The following RAPGEF4 variants were observed in gnomAD, a reference collection of about 807,000 sequenced individuals.
RAPGEF4 encodes the protein RAP guanine-nucleotide-exchange factor (GEF) 4.
In RAPGEF4, 66 loss-of-function variants were observed where a neutral mutation model predicts 147.9. The observed-to-expected ratio is 0.45, with a 90% CI of 0.37 to 0.55. The LOEUF (loss-of-function observed/expected upper bound fraction) is 0.55. RAPGEF4 is among the 20% of genes least tolerant of loss of function. The pLI, the probability that RAPGEF4 is intolerant of heterozygous loss-of-function variation, is 0.00. For synonymous variants in RAPGEF4, 419 were observed against 442.7 expected, an observed-to-expected ratio of 0.95 and a Z score of 0.67; for missense variants, 1,071 against 1,257.3, an observed-to-expected ratio of 0.85 and a Z score of 2.24.
intron 1 of RAPGEF4, among the ~76,000 whole-genome samples, chr2:172,780,586 TG>T (rs1161439978): frequency 1.3e-5 from 2 of 152,226 alleles, no homozygotes; most frequent in African/African-American, 2.4e-5. Flanking sequence ...AGCTTTTTTT[TG>T]GTTCCGCTTC....
chr2:173,018,579 C>G (rs555523043), intron 21 of RAPGEF4, 77 bp from the exon 22 acceptor site: 1 of 1,477,412 alleles, frequency 6.8e-7, no homozygotes, highest in South Asian at 1.3e-5. Context: ...GAGAGGATGC[C>G]TAAACATTTT....
intron 29 of RAPGEF4, 80 bp from the exon 30 acceptor site, chr2:173,048,519 AG>A: frequency 6.3e-7 from 1 of 1,587,958 alleles, no homozygotes; most frequent in Non-Finnish European, 8.6e-7. Flanking sequence ...CAAGTATTGC[AG>A]AAATGGTTTG....
At chr2:173,038,417 G>A (rs764891112) in intron 29 of RAPGEF4, among the ~76,000 whole-genome samples, 1 of 152,216 alleles carries the variant, frequency 6.6e-6, no homozygotes, top group African/African-American at 2.4e-5. Context: ...AGATGTAGAA[G>A]TCAGGGTTTC....
intron 18 of RAPGEF4, among the ~76,000 whole-genome samples, chr2:173,015,134 C>T (rs2105891360): frequency 6.6e-6 from 1 of 152,156 alleles, no homozygotes; most frequent in African/African-American, 2.4e-5. Context: ...CCTTGATTAC[C>T]TTCCTAGAAA....
chr2:172,753,859 G>C (rs1417568714), intron 1 of RAPGEF4, among the ~76,000 whole-genome samples: 1 of 143,312 alleles, frequency 7.0e-6, no homozygotes, highest in African/African-American at 2.6e-5. Context: ...TTGCATCTGA[G>C]ATGTCACAGT....
intron 8 of RAPGEF4, 56 bp from the exon 9 acceptor site, chr2:172,965,506 A>G (rs769252219): frequency 2.8e-4 from 436 of 1,573,200 alleles, no homozygotes; most frequent in Non-Finnish European, 3.8e-4. Context: ...GCCATCTCCC[A>G]TCCTCTATCT....
At chr2:172,886,944 T>C (rs1336795802) in intron 4 of RAPGEF4, among the ~76,000 whole-genome samples, 1 of 152,062 alleles carries the variant, frequency 6.6e-6, no homozygotes, top group Admixed American at 6.5e-5. Context: ...TCCCAGCACT[T>C]TGGGAGGCCA....
intron 4 of RAPGEF4, among the ~76,000 whole-genome samples, chr2:172,866,189 C>A (rs781072955): frequency 5.3e-5 from 8 of 152,116 alleles, no homozygotes; most frequent in African/African-American, 1.9e-4. Context: ...CCTTTTATAG[C>A]CAATCTTTGT....
At position 172,966,709 on chromosome 2, in the gene RAPGEF4, T is replaced by G. The variant is rs549256650; in HGVS notation, c.821-552T>G. 7.2e-5 allele frequency among the ~76,000 whole-genome samples: 11 copies of G among 152,336 alleles called. No individual in the cohort carries two copies. In the South Asian group the frequency reaches 1.9e-3, roughly 26 times the overall value. On this transcript the variant is annotated intron_variant, in intron 9 of 30. Transcript: ENST00000397081. Reference sequence around the variant, plus strand: ...TGGAAGAAAATTACCACAAAATCCTTCTAGCAGTATATGATCTAGAAACCT... The same window carrying G: ...TGGAAGAAAATTACCACAAAATCCTGCTAGCAGTATATGATCTAGAAACCT...
chr2:172,771,179 C>G (rs1456136087), intron 1 of RAPGEF4, among the ~76,000 whole-genome samples: 1 of 151,684 alleles, frequency 6.6e-6, no homozygotes, highest in African/African-American at 2.4e-5. Context: ...CTGGGAAGTC[C>G]AAGCTCAAGG....
Position 172,778,866 on chromosome 2 carries a change from A to T in RAPGEF4, c.66-16159A>T, listed in dbSNP as rs111973739. 6.6e-5 allele frequency among the ~76,000 whole-genome samples: 10 copies of T among 152,280 alleles called. 1 individual carries two copies. Among genetic ancestry groups the T allele is most frequent in the East Asian group, 5.8e-4 (3 of 5,192 alleles). On this transcript the variant is annotated intron_variant, in intron 1 of 30. Transcript: ENST00000397081. ...TGTATAAATAAGCTGTTATTCATTTAAAAAAATCACTACCAATATTCATTA... is the reference window on the plus strand; with the variant it reads ...TGTATAAATAAGCTGTTATTCATTTTAAAAAATCACTACCAATATTCATTA...
chr2:172,942,134 A>G (rs1276967063), intron 6 of RAPGEF4, among the ~76,000 whole-genome samples: 1 of 151,284 alleles, frequency 6.6e-6, no homozygotes, highest in Non-Finnish European at 1.5e-5. Flanking sequence ...TTTTGATGAG[A>G]CATTTGAAAT....
At chr2:172,744,181 T>C in intron 1 of RAPGEF4, 1 of 261,068 alleles carries the variant, frequency 3.8e-6, no homozygotes, top group Non-Finnish European at 7.6e-6. Flanking sequence ...CTAATTGTCT[T>C]GACTTTTATT....
chr2:172,836,739 G>A (rs1159560434), intron 4 of RAPGEF4, among the ~76,000 whole-genome samples: 6 of 152,184 alleles, frequency 3.9e-5, no homozygotes. Context: ...AATACAACGA[G>A]GGCTGGAAAT....
At chr2:172,958,261 C>T (rs2105441265) in intron 6 of RAPGEF4, among the ~76,000 whole-genome samples, 1 of 152,330 alleles carries the variant, frequency 6.6e-6, no homozygotes, top group Non-Finnish European at 1.5e-5. Flanking sequence ...TGGATTTCTA[C>T]TATTATTTTC....
rs538524833 is a variant in RAPGEF4 at position 172,767,498 on chromosome 2, A to G, written c.66-27527A>G. The stretch of plus-strand genomic sequence containing the variant: ...CCGGCCTAAATACTCTGTTTTAAAA[A>G]AACATATAAACATATGCATGGACAG... On this transcript the variant is annotated intron_variant, in intron 1 of 30. Transcript: ENST00000397081. 9.2e-5 allele frequency among the ~76,000 whole-genome samples: 14 copies of G among 152,298 alleles called. No homozygotes were observed. The South Asian group carries it at 1.2e-3, about 14-fold the overall frequency.
intron 4 of RAPGEF4, among the ~76,000 whole-genome samples, chr2:172,861,924 G>T (rs1694092941): frequency 6.6e-6 from 1 of 152,188 alleles, no homozygotes; most frequent in Non-Finnish European, 1.5e-5. Context: ...CCAAAATGAT[G>T]CACGTAGCAA....
intron 1 of RAPGEF4, among the ~76,000 whole-genome samples, chr2:172,736,969 T>C (rs556918479): frequency 6.6e-5 from 10 of 152,236 alleles, no homozygotes; most frequent in Admixed American, 2.0e-4. Flanking sequence ...TATTTGCATT[T>C]GTGTGAAATA....
At chr2:172,802,413 G>A (rs1320188228) in intron 3 of RAPGEF4, among the ~76,000 whole-genome samples, 3 of 152,180 alleles carry the variant, frequency 2.0e-5, no homozygotes, top group Non-Finnish European at 4.4e-5. Flanking sequence ...GAGAGCTTGT[G>A]CAGGGAAAAT....
Sources: gnomAD v4.1 joint callset for allele counts (sites outside exome capture counted in the v4.1 genomes callset) on GRCh38, gnomAD v4.1.1 for gene constraint, MANE v1.5 for transcripts, NCBI Gene and HGNC (gene_info 2026-07-23, HGNC 2026-07-21) for gene names.